TLN2: variants seen among roughly 807,000 people sequenced by gnomAD.
The protein encoded by TLN2 is talin 2.
In TLN2, 118 loss-of-function variants were observed where a neutral mutation model predicts 294.7. The observed-to-expected ratio is 0.40, with a 90% CI of 0.34 to 0.47. TLN2 has a LOEUF of 0.47. Ranked by LOEUF, TLN2 falls within the 20% of genes least tolerant of loss-of-function variation. TLN2 has a pLI of 0.84. For missense variants in TLN2, 3,083 were observed against 3,282.2 expected (o/e 0.94, Z 1.48); for synonymous variants, 1,431 against 1,304.5 (o/e 1.10, Z -2.09).
chr15:62,623,102 T>C (rs768729969), intron 3 of TLN2, among the ~76,000 whole-genome samples: 5 of 152,206 alleles, frequency 3.3e-5, no homozygotes, highest in Non-Finnish European at 7.3e-5. Flanking sequence ...CCATATGGAG[T>C]AACTGAATGG....
chr15:62,561,646 G>A (rs1032670325), intron 1 of TLN2, among the ~76,000 whole-genome samples: 1 of 152,204 alleles, frequency 6.6e-6, no homozygotes, highest in African/African-American at 2.4e-5. Flanking sequence ...ATGGAGTTGA[G>A]GAAAGTCTGT....
At chr15:62,661,921 GTGAACC>G (rs1391343900) in intron 9 of TLN2, among the ~76,000 whole-genome samples, 1 of 152,118 alleles carries the variant, frequency 6.6e-6, no homozygotes, top group African/African-American at 2.4e-5. Context: ...CTAAATAATT[GTGAACC>G]TGTATATGTG....
intron 32 of TLN2, among the ~76,000 whole-genome samples, chr15:62,742,784 A>T (rs1468478324): frequency 6.6e-6 from 1 of 152,144 alleles, no homozygotes; most frequent in Non-Finnish European, 1.5e-5. Context: ...ACGCTGGCAC[A>T]TTCTCCTTGG....
intron 1 of TLN2, among the ~76,000 whole-genome samples, chr15:62,568,492 A>G (rs531644544): frequency 6.6e-6 from 1 of 152,362 alleles, no homozygotes; most frequent in Admixed American, 6.5e-5. Context: ...TCAAACTCAG[A>G]AGACTCACAA....
At chr15:62,701,299 G>A in intron 17 of TLN2, 85 bp downstream of exon 17, 1 of 1,129,068 alleles carries the variant, frequency 8.9e-7, no homozygotes, top group Non-Finnish European at 1.3e-6. Flanking sequence ...TAAGTTATCT[G>A]TTGATTGAAA....
At chr15:62,710,886 C>T (rs181821504) in intron 21 of TLN2, among the ~76,000 whole-genome samples, 1,662 of 151,978 alleles carry the variant, frequency 0.011, 36 homozygotes, top group African/African-American at 0.038. Context: ...CCACCACGCC[C>T]GGCTAATTTT....
At chr15:62,425,982 C>A (rs576397900) in intron 1 of TLN2, among the ~76,000 whole-genome samples, 50 of 152,276 alleles carry the variant, frequency 3.3e-4, no homozygotes, top group Non-Finnish European at 5.9e-4. Flanking sequence ...TTCTAAGTCC[C>A]CTTGACCTGT....
At chr15:62,453,256 C>G (rs1219196925) in intron 1 of TLN2, among the ~76,000 whole-genome samples, 1 of 99,602 alleles carries the variant, frequency 1.0e-5, no homozygotes, top group South Asian at 4.0e-4. Flanking sequence ...CATTGTCAAC[C>G]TATTTTTTTT....
chr15:62,462,146 A>C (rs2036844981), intron 1 of TLN2, among the ~76,000 whole-genome samples: 1 of 152,214 alleles, frequency 6.6e-6, no homozygotes, highest in Non-Finnish European at 1.5e-5. Flanking sequence ...AGGCAGGAGA[A>C]TTGCTTGAAC....
chr15:62,755,326 T>C (rs1392961229), intron 36 of TLN2: 3 of 585,854 alleles, frequency 5.1e-6, no homozygotes, highest in Non-Finnish European at 8.5e-6. Flanking sequence ...CACCTCCTTT[T>C]TTCTTATTCT....
In TLN2 at chr15:62,606,043, A is replaced by G. The variant is rs28585973; in HGVS notation, c.-161-12308A>G. ...GTCGATAGTGCTAGTGATGACTGAT[A>G]GAACTTAATAAGAAGACAGTGTTTA... On this transcript the variant is annotated intron_variant, in intron 2 of 58. Transcript: ENST00000636159. Among the ~76,000 whole-genome samples the G allele has an allele frequency of 2.6e-3, 391 of 152,304 alleles. 4 individuals are homozygous for G. Among genetic ancestry groups the G allele is most frequent in the African/African-American group, 9.1e-3 (380 of 41,572 alleles).
chr15:62,577,401 G>A (rs991019629), intron 1 of TLN2, among the ~76,000 whole-genome samples: 9 of 152,306 alleles, frequency 5.9e-5, no homozygotes, highest in South Asian at 2.1e-4. Flanking sequence ...CCGAGATCGC[G>A]TCATTGCACT....
At chr15:62,572,556 A>G (rs1480423453) in intron 1 of TLN2, among the ~76,000 whole-genome samples, 2 of 151,848 alleles carry the variant, frequency 1.3e-5, no homozygotes, top group Admixed American at 6.6e-5. Flanking sequence ...GATGGAGCCT[A>G]CTCTCCAGAT....
intron 1 of TLN2, among the ~76,000 whole-genome samples, chr15:62,568,294 T>C (rs1476004760): frequency 1.3e-5 from 2 of 152,070 alleles, no homozygotes; most frequent in Non-Finnish European, 2.9e-5. Flanking sequence ...AGGTGGAAGA[T>C]TTGACTCTCC....
chr15:62,831,955 T>C (rs1368623043), intron 54 of TLN2: 1 of 152,178 alleles, frequency 6.6e-6, no homozygotes, highest in East Asian at 1.9e-4. Context: ...TGGCTTTGGC[T>C]AGTTAAAGTG....
chr15:62,589,810 C>T (rs940170741), intron 2 of TLN2, 48 bp downstream of exon 2: 1 of 152,096 alleles, frequency 6.6e-6, no homozygotes, highest in Non-Finnish European at 1.5e-5. Flanking sequence ...TGGCCAATCC[C>T]CTGCATTGGT....
intron 26 of TLN2, among the ~76,000 whole-genome samples, chr15:62,724,309 C>A (rs1026087194): frequency 6.6e-6 from 1 of 152,018 alleles, no homozygotes; most frequent in East Asian, 1.9e-4. Flanking sequence ...TTATTACTAT[C>A]ATCTAAAAAT....
intron 1 of TLN2, among the ~76,000 whole-genome samples, chr15:62,544,169 G>C (rs560274135): frequency 2.8e-4 from 42 of 152,168 alleles, no homozygotes; most frequent in Non-Finnish European, 5.9e-4. Context: ...CCAAATTTCA[G>C]ATTCCTTAAA....
At chr15:62,413,565 G>A (rs2033903607) in intron 1 of TLN2, among the ~76,000 whole-genome samples, 1 of 152,228 alleles carries the variant, frequency 6.6e-6, no homozygotes, top group Non-Finnish European at 1.5e-5. Context: ...ACAGAACAGG[G>A]AAAACCTCTG....
Sources: allele counts gnomAD v4.1 joint callset (sites outside exome capture counted in the v4.1 genomes callset), GRCh38; gene constraint gnomAD v4.1.1; transcripts MANE v1.5; gene names NCBI Gene and HGNC (gene_info 2026-07-23, HGNC 2026-07-21).